KATNIP: variants seen among roughly 807,000 people sequenced by gnomAD.
KATNIP encodes katanin-interacting protein.
KATNIP carries 126 observed loss-of-function variants against 174.0 expected under a neutral mutation model. The ratio of observed to expected loss-of-function variants is 0.72; its 90% CI spans 0.63 to 0.84. KATNIP has a LOEUF of 0.84. KATNIP is among the 40% of genes least tolerant of loss of function. KATNIP has a pLI of 0.00. For synonymous variants in KATNIP, 810 were observed against 835.7 expected (o/e 0.97, Z 0.53); for missense variants, 1,958 against 2,109.7 (o/e 0.93, Z 1.41).
chr16:27,607,662 ATC>A lies in KATNIP; in HGVS notation c.64-10760_64-10759del, dbSNP rs948915505. On this transcript the variant is annotated intron_variant, in intron 2 of 27. Coordinates refer to ENST00000261588, the MANE Select transcript of KATNIP (RefSeq NM_015202.5). Reference sequence around the variant, plus strand: ...ACCCAGGCTGGAGTGCAGTGGCACAATCTCAGCTCACCACAACCTCCGTCTCC... The same window carrying A: ...ACCCAGGCTGGAGTGCAGTGGCACAATCAGCTCACCACAACCTCCGTCTCC... Among the ~76,000 whole-genome samples, 4 of 142,956 alleles carry A rather than the reference ATC, an allele frequency of 2.8e-5. No homozygotes were observed. In the Admixed American group the frequency reaches 3.0e-4, roughly 11 times the overall value. 93.8% of individuals were successfully genotyped at this position (142,956 alleles called of 152,430 possible).
In KATNIP at chr16:27,681,499, T is replaced by C; in HGVS notation, c.909T>C (p.Ala303=). The C allele has an allele frequency of 6.2e-7, 1 of 1,614,228 alleles. No homozygotes were observed. Among genetic ancestry groups the C allele is most frequent in the Non-Finnish European group, 8.5e-7 (1 of 1,180,038 alleles). Residue 303 remains alanine (A), a synonymous_variant, in exon 8 of 28, where the codon GCT becomes GCC. Coordinates refer to ENST00000261588, the MANE Select transcript of KATNIP (RefSeq NM_015202.5). ...PEPNLTPQAP[A]VFPDQERMCS... is the part of the protein sequence containing the mutation. ...CAAACCTGACTCCCCAAGCTCCTGC[T>C]GTATTCCCAGACCAGGAGAGGATGT...
chr16:27,751,873 C>T lies in KATNIP; in HGVS notation c.3501C>T (p.Gly1167=), dbSNP rs769197995. ...TGAGGAGGCCCAGCACGGCCGACGG[C>T]GAGGGGGATGAGCGGCCCTTCACCC... The part of the protein sequence containing the change: ...EAMRRPSTAD[G]EGDERPFTQA... The change falls in exon 17 of 28, where the codon GGC becomes GGT. Residue 1167 remains glycine (G), a synonymous_variant. Transcript: ENST00000261588. 16 of 1,613,336 alleles carry T rather than the reference C, an allele frequency of 9.9e-6. No homozygotes were observed. Among genetic ancestry groups the T allele is most frequent in the African/African-American group, 2.7e-5 (2 of 74,890 alleles).
intron 15 of KATNIP, among the ~76,000 whole-genome samples, chr16:27,742,718 G>T (rs1357120955): frequency 6.6e-6 from 1 of 152,164 alleles, no homozygotes; most frequent in African/African-American, 2.4e-5. Context: ...ACAGTGCCTG[G>T]CACACAGGAG....
intron 7 of KATNIP, among the ~76,000 whole-genome samples, chr16:27,678,653 G>A (rs912844546): frequency 7.2e-5 from 11 of 152,268 alleles, no homozygotes; most frequent in East Asian, 5.8e-4. Context: ...CAACCCACAC[G>A]GGGTCACATG....
intron 16 of KATNIP, among the ~76,000 whole-genome samples, chr16:27,750,654 G>A (rs1164623993): frequency 1.4e-5 from 2 of 144,118 alleles, no homozygotes; most frequent in African/African-American, 2.6e-5. Context: ...GGATGGTCTC[G>A]ATCTCCTGAC....
chr16:27,680,438 C>T (rs2078289683), intron 7 of KATNIP, among the ~76,000 whole-genome samples: 2 of 152,124 alleles, frequency 1.3e-5, no homozygotes, highest in African/African-American at 4.8e-5. Flanking sequence ...AACCAGGCCA[C>T]AGAACAGCTG....
Position 27,773,211 on chromosome 16 carries a change from T to G in KATNIP, c.4309+2T>G, listed in dbSNP as rs1249666333. The G allele has an allele frequency of 6.3e-6, 10 of 1,595,730 alleles. No homozygotes were observed. The highest frequency in any genetic ancestry group is 8.6e-6 in the Non-Finnish European group (10 of 1,166,788). ...AAAAAATCCCCTTGTCGGAAAACAG[T>G]ATCCTTTGTAGGACAGGAGTGGGCT... On this transcript the variant is annotated splice_donor_variant, in intron 23 of 27. Coordinates refer to ENST00000261588, the MANE Select transcript of KATNIP (RefSeq NM_015202.5). LOFTEE classifies it high-confidence loss of function.
intron 5 of KATNIP, among the ~76,000 whole-genome samples, chr16:27,646,617 C>T (rs193162536): frequency 1.3e-5 from 2 of 152,246 alleles, no homozygotes; most frequent in African/African-American, 4.8e-5. Flanking sequence ...CTTTGTTTGG[C>T]CTAATTATCA....
Position 27,770,004 on chromosome 16 carries a change from C to T in KATNIP, c.4119C>T (p.Pro1373=), listed in dbSNP as rs749647012. 1 of 1,613,704 alleles carries T rather than the reference C, an allele frequency of 6.2e-7. No homozygotes were observed. Among genetic ancestry groups the T allele is most frequent in the Admixed American group, 1.7e-5 (1 of 60,028 alleles). ...FVDYLRAQLL[P]QPARRLDMRS... is the part of the protein sequence containing the mutation. ...ACTACCTACGGGCTCAGCTGCTGCCCCAGCCGGCCAGGAGGTGAGGAGAAA... is the reference window on the plus strand; with the variant it reads ...ACTACCTACGGGCTCAGCTGCTGCCTCAGCCGGCCAGGAGGTGAGGAGAAA... Residue 1373 remains proline, a synonymous_variant, in exon 21 of 28, where the codon CCC becomes CCT. Coordinates refer to ENST00000261588, the MANE Select transcript of KATNIP (RefSeq NM_015202.5).
chr16:27,577,631 G>A (rs2090547578), intron 2 of KATNIP, among the ~76,000 whole-genome samples: 1 of 152,216 alleles, frequency 6.6e-6, no homozygotes, highest in Admixed American at 6.5e-5. Context: ...AGCGGAGGTT[G>A]CAGTGAGCCG....
intron 3 of KATNIP, among the ~76,000 whole-genome samples, chr16:27,621,413 C>A (rs1326405398): frequency 6.6e-6 from 1 of 152,112 alleles, no homozygotes; most frequent in Non-Finnish European, 1.5e-5. Flanking sequence ...TAGAGCCATT[C>A]TCAGGCAGGT....
At chr16:27,770,138 T>G in intron 21 of KATNIP, 120 bp downstream of exon 21, 1 of 1,146,518 alleles carries the variant, frequency 8.7e-7, no homozygotes, top group South Asian at 1.4e-5. Flanking sequence ...GCATTGCTTT[T>G]CAACTTAGTC....
At chr16:27,697,712 C>T (rs1303299808) in intron 8 of KATNIP, among the ~76,000 whole-genome samples, 1 of 151,712 alleles carries the variant, frequency 6.6e-6, no homozygotes, top group Admixed American at 6.6e-5. Context: ...ATAAATTGAT[C>T]GATAGAGGGT....
intron 6 of KATNIP, among the ~76,000 whole-genome samples, chr16:27,652,155 A>G (rs886389795): frequency 2.0e-5 from 3 of 152,220 alleles, no homozygotes; most frequent in Non-Finnish European, 2.9e-5. Flanking sequence ...GAAGAGAAAC[A>G]AGTATATAAT....
At chr16:27,558,885 G>T (rs1007854419) in intron 1 of KATNIP, among the ~76,000 whole-genome samples, 1 of 152,078 alleles carries the variant, frequency 6.6e-6, no homozygotes, top group African/African-American at 2.4e-5. Context: ...GGACTCAGTC[G>T]AATAAGGTCT....
Position 27,776,853 on chromosome 16 carries a change from G to T in KATNIP, c.4450-75G>T. On this transcript the variant is annotated intron_variant, in intron 24 of 27. Coordinates refer to ENST00000261588, the MANE Select transcript of KATNIP (RefSeq NM_015202.5). The surrounding 1 kb of genome is among the most constrained non-coding windows in gnomAD (Gnocchi z 4.7). ...GGCACCACCGCTCACCCCAGCCCAC[G>T]CCTGGCACCCCCAGCCCAGCCAAGC... 1 of 1,098,160 alleles carries T rather than the reference G, an allele frequency of 9.1e-7. No homozygotes were observed. 68.0% of individuals were successfully genotyped at this position (1,098,160 alleles called of 1,614,324 possible). A position where few individuals can be genotyped will look rare whatever the true frequency, so the allele number is the denominator to read the frequency against.
At chr16:27,746,192 C>T (rs78050852) in intron 15 of KATNIP, among the ~76,000 whole-genome samples, 1,615 of 152,178 alleles carry the variant, frequency 0.011, 42 homozygotes, top group African/African-American at 0.037. Flanking sequence ...AGAAAGCAGA[C>T]GCAGAATGAA....
chr16:27,759,202 A>G (rs1405638597), intron 18 of KATNIP, among the ~76,000 whole-genome samples: 1 of 152,318 alleles, frequency 6.6e-6, no homozygotes, highest in East Asian at 1.9e-4. Flanking sequence ...GCCTCAGGGA[A>G]CTTCCGTCTT....
At chr16:27,775,670 G>A (rs544315159) in intron 24 of KATNIP, among the ~76,000 whole-genome samples, 2 of 152,186 alleles carry the variant, frequency 1.3e-5, no homozygotes, top group Non-Finnish European at 2.9e-5. Context: ...TGGAGAGGAA[G>A]GGGAGAGGGC....
Sources: gnomAD v4.1 joint callset for allele counts (sites outside exome capture counted in the v4.1 genomes callset) on GRCh38, gnomAD v4.1.1 for gene constraint, Gnocchi (gnomAD v3.1) non-coding constraint, MANE v1.5 for transcripts, NCBI Gene and HGNC (gene_info 2026-07-23, HGNC 2026-07-21) for gene names.